Variants in CFAP61 observed in about 807,000 individuals in gnomAD.
CFAP61 encodes cilia and flagella associated protein 61.
In CFAP61, 107 loss-of-function variants were observed where a neutral mutation model predicts 135.6. The observed-to-expected ratio is 0.79, with a 90% confidence interval of 0.67 to 0.93. The LOEUF is 0.93. CFAP61 is among the 40% of genes least tolerant of loss of function. The probability of loss-of-function intolerance (pLI) is 0.00; values close to 1 mark genes in which losing one functional copy is unlikely to be tolerated. For synonymous variants in CFAP61, 575 were observed against 578.5 expected (o/e 0.99, Z 0.09); for missense variants, 1,507 against 1,556.2 (o/e 0.97, Z 0.53).
At chr20:20,295,997 C>T (rs1323464396) in intron 24 of CFAP61, among the ~76,000 whole-genome samples, 1 of 97,230 alleles carries the variant, frequency 1.0e-5, no homozygotes, top group African/African-American at 3.8e-5. Context: ...TTCCCTCCTT[C>T]CTTCCTTCCT....
intron 2 of CFAP61, among the ~76,000 whole-genome samples, chr20:20,069,141 GA>G (rs1453886865): frequency 2.0e-5 from 3 of 152,072 alleles, no homozygotes; most frequent in Non-Finnish European, 2.9e-5. Flanking sequence ...TTGATTTAAA[GA>G]AAAAAAGTAC....
chr20:20,166,823 T>C (rs1204172725), intron 12 of CFAP61, among the ~76,000 whole-genome samples: 1 of 152,156 alleles, frequency 6.6e-6, no homozygotes, highest in African/African-American at 2.4e-5. Context: ...TAGGGACTTG[T>C]TGATTTTGAG....
At chr20:20,150,386 C>T (rs893806654) in intron 9 of CFAP61, among the ~76,000 whole-genome samples, 7 of 152,296 alleles carry the variant, frequency 4.6e-5, no homozygotes, top group South Asian at 4.1e-4. Flanking sequence ...GCTTATATCC[C>T]CCTTCTACTA....
intron 1 of CFAP61, 86 bp downstream of exon 1, chr20:20,052,677 T>C (rs755270384): frequency 6.2e-7 from 1 of 1,612,982 alleles, no homozygotes; most frequent in South Asian, 1.1e-5. Context: ...CCTCCGGAAC[T>C]GGGATGACCA....
intron 2 of CFAP61, among the ~76,000 whole-genome samples, chr20:20,060,936 G>A (rs1056826780): frequency 2.6e-5 from 4 of 152,198 alleles, no homozygotes; most frequent in African/African-American, 7.2e-5. Context: ...TAGACACTGA[G>A]TCTTCAGATG....
chr20:20,253,416 C>T, intron 20 of CFAP61: 1 of 263,660 alleles, frequency 3.8e-6, no homozygotes, highest in Non-Finnish European at 7.6e-6. Context: ...AGGCTCATCT[C>T]ACTGTGGCAG....
At chr20:20,153,417 A>G (rs1388037751) in intron 9 of CFAP61, among the ~76,000 whole-genome samples, 1 of 152,122 alleles carries the variant, frequency 6.6e-6, no homozygotes, top group Non-Finnish European at 1.5e-5. Context: ...CAAAAGATAA[A>G]CGAAACAAAA....
chr20:20,338,536 A>G (rs2068850485), intron 25 of CFAP61, among the ~76,000 whole-genome samples: 1 of 152,222 alleles, frequency 6.6e-6, no homozygotes, highest in South Asian at 2.1e-4. Flanking sequence ...TTGAGCGCGG[A>G]CCGCCACGCT....
intron 6 of CFAP61, among the ~76,000 whole-genome samples, chr20:20,076,598 T>C (rs977276219): frequency 1.3e-5 from 2 of 152,194 alleles, no homozygotes; most frequent in Admixed American, 6.5e-5. Context: ...CATTATGAAA[T>C]CATCTCACAG....
At chr20:20,200,653 T>A in intron 17 of CFAP61, 1 of 970,406 alleles carries the variant, frequency 1.0e-6, no homozygotes, top group Non-Finnish European at 1.2e-6. Flanking sequence ...AAAAAATCCC[T>A]CAGTGGGCTA....
Position 20,298,218 on chromosome 20 carries a change from C to T in CFAP61, c.3254C>T (p.Thr1085Ile). The change falls in exon 25 of 27, where the codon ACT becomes ATT. Residue 1085 changes from threonine (T) to isoleucine (I), a missense_variant. Transcript: ENST00000245957. ...ELVTGSAKNGTYFRIHINKYK... is the reference protein window; with the variant it reads ...ELVTGSAKNGIYFRIHINKYK... ...GTAACCGGCAGTGCGAAAAATGGGA[C>T]TTACTTCCGAATTCATATTAACAAG... is the stretch of plus-strand genomic sequence containing the variant. The T allele has an allele frequency of 2.5e-6, 4 of 1,614,126 alleles. No homozygotes were observed. The highest frequency in any genetic ancestry group is 3.4e-6 in the Non-Finnish European group (4 of 1,179,984).
chr20:20,293,992 G>T (rs1398352090), intron 24 of CFAP61, among the ~76,000 whole-genome samples: 1 of 151,920 alleles, frequency 6.6e-6, no homozygotes, highest in Non-Finnish European at 1.5e-5. Context: ...GACCTCAAAA[G>T]GATAATTATA....
At chr20:20,117,444 A>G (rs897520199) in intron 8 of CFAP61, among the ~76,000 whole-genome samples, 22 of 152,192 alleles carry the variant, frequency 1.4e-4, no homozygotes, top group Admixed American at 2.0e-4. Flanking sequence ...CCATTGGTCT[A>G]TGTGTCTGCT....
At chr20:20,251,429 T>G (rs901517039) in intron 19 of CFAP61, among the ~76,000 whole-genome samples, 166 bp from the exon 20 acceptor site, 1 of 152,074 alleles carries the variant, frequency 6.6e-6, no homozygotes, top group African/African-American at 2.4e-5. Flanking sequence ...TGTCAATTTG[T>G]AACTAAGTGT....
At chr20:20,056,004 GT>G (rs2044301743) in intron 1 of CFAP61, 1 of 1,608,306 alleles carries the variant, frequency 6.2e-7, no homozygotes, top group African/African-American at 1.3e-5. Context: ...GTTCTCCACT[GT>G]TGCCGTCATT....
chr20:20,288,517 G>A lies in CFAP61; in HGVS notation c.2797-92G>A, dbSNP rs138611848. 1.4e-4 allele frequency: 134 copies of A among 975,854 alleles called. No homozygotes were observed. The African/African-American group carries it at 1.4e-3, about 10-fold the overall frequency. The allele number at this position is 975,854 out of a possible 1,614,324, so 60.4% of individuals were successfully genotyped here. On this transcript the variant is annotated intron_variant, in intron 22 of 26. Transcript: ENST00000245957. ...TTTAGTATGTGTATTTTTGTGCCCC[G>A]AATAATAAAATGCCCTGGAGACTAG...
At chr20:20,342,541 T>C (rs1193797270) in intron 26 of CFAP61, among the ~76,000 whole-genome samples, 12 of 152,242 alleles carry the variant, frequency 7.9e-5, no homozygotes, top group Admixed American at 7.8e-4. Context: ...CGTTAAGAGC[T>C]GTGTTCAGTG....
At chr20:20,156,406 G>GA (rs1225506389) in intron 9 of CFAP61, among the ~76,000 whole-genome samples, 1 of 152,016 alleles carries the variant, frequency 6.6e-6, no homozygotes, top group Non-Finnish European at 1.5e-5. Flanking sequence ...GGTTATTTTT[G>GA]AAAAACTTAC....
chr20:20,304,985 A>G (rs1225683957), intron 25 of CFAP61, among the ~76,000 whole-genome samples: 1 of 152,102 alleles, frequency 6.6e-6, no homozygotes, highest in Non-Finnish European at 1.5e-5. Flanking sequence ...CGTGGTGTAA[A>G]TAGGTCTTGC....
Sources: gnomAD v4.1 joint callset for allele counts (sites outside exome capture counted in the v4.1 genomes callset) on GRCh38, gnomAD v4.1.1 for gene constraint, MANE v1.5 for transcripts, NCBI Gene and HGNC (gene_info 2026-07-23, HGNC 2026-07-21) for gene names.